AGBL4: variants seen among roughly 807,000 people sequenced by gnomAD.
AGBL4 encodes cytosolic carboxypeptidase 6.
Under a neutral mutation model 66.4 loss-of-function variants are expected in AGBL4, and 58 were observed. The ratio of observed to expected loss-of-function variants is 0.87; its 90% CI spans 0.71 to 1.09. The LOEUF (loss-of-function observed/expected upper bound fraction) is 1.09. Ranked by LOEUF, AGBL4 falls within the 50% of genes least tolerant of loss-of-function variation. The pLI, the probability that AGBL4 is intolerant of heterozygous loss-of-function variation, is 0.00. For synonymous variants in AGBL4, 234 were observed against 222.9 expected (o/e 1.05, Z -0.44); for missense variants, 579 against 631.0 (o/e 0.92, Z 0.88).
intron 7 of AGBL4, among the ~76,000 whole-genome samples, chr1:48,653,705 G>C (rs1201320049): frequency 6.6e-6 from 1 of 152,134 alleles, no homozygotes; most frequent in Non-Finnish European, 1.5e-5. Flanking sequence ...CATTTCCTGC[G>C]GTAGAGAACT....
At chr1:49,130,806 T>C (rs2148067797) in intron 4 of AGBL4, among the ~76,000 whole-genome samples, 1 of 152,276 alleles carries the variant, frequency 6.6e-6, no homozygotes, top group South Asian at 2.1e-4. Flanking sequence ...GGCTCTTTTT[T>C]GGTTCCATAT....
At chr1:49,390,061 T>C (rs946948289) in intron 3 of AGBL4, among the ~76,000 whole-genome samples, 1 of 152,130 alleles carries the variant, frequency 6.6e-6, no homozygotes, top group East Asian at 1.9e-4. Context: ...TTCTCTCTGG[T>C]AAATTCAATT....
intron 7 of AGBL4, 129 bp from the exon 8 acceptor site, chr1:48,653,580 G>A: frequency 1.5e-6 from 1 of 652,932 alleles, no homozygotes; most frequent in South Asian, 1.9e-5. Context: ...GGCCACTGTG[G>A]GTGTGTGGTT....
At chr1:49,601,614 A>G (rs1267256372) in intron 3 of AGBL4, among the ~76,000 whole-genome samples, 1 of 152,168 alleles carries the variant, frequency 6.6e-6, no homozygotes, top group Non-Finnish European at 1.5e-5. Flanking sequence ...AGGATTCCCT[A>G]TTTAATAAAT....
At chr1:49,829,793 G>A (rs1366525597) in intron 2 of AGBL4, among the ~76,000 whole-genome samples, 1 of 151,980 alleles carries the variant, frequency 6.6e-6, no homozygotes, top group Non-Finnish European at 1.5e-5. Flanking sequence ...AACAGGCCCT[G>A]GTGTGTGATG....
intron 4 of AGBL4, among the ~76,000 whole-genome samples, chr1:49,075,317 G>C (rs1010732994): frequency 2.0e-5 from 3 of 152,060 alleles, no homozygotes; most frequent in Non-Finnish European, 4.4e-5. Context: ...CATGCCATAA[G>C]GTTTTGTACA....
At chr1:49,614,813 TC>T (rs1381608181) in intron 3 of AGBL4, among the ~76,000 whole-genome samples, 1 of 152,168 alleles carries the variant, frequency 6.6e-6, no homozygotes, top group Non-Finnish European at 1.5e-5. Flanking sequence ...TTTGCATACC[TC>T]TTTTATGTAA....
At chr1:49,153,072 T>C (rs567464097) in intron 4 of AGBL4, among the ~76,000 whole-genome samples, 13 of 152,104 alleles carry the variant, frequency 8.5e-5, no homozygotes, top group African/African-American at 3.1e-4. Context: ...AATAGAGTCA[T>C]AGGAGATTAA....
intron 5 of AGBL4, among the ~76,000 whole-genome samples, chr1:48,924,109 C>G (rs1051295891): frequency 1.3e-5 from 2 of 152,134 alleles, no homozygotes; most frequent in African/African-American, 2.4e-5. Context: ...AAAACTATAG[C>G]TTTACAAGCA....
At chr1:49,909,340 G>T (rs947282286) in intron 1 of AGBL4, among the ~76,000 whole-genome samples, 1 of 152,038 alleles carries the variant, frequency 6.6e-6, no homozygotes, top group Admixed American at 6.6e-5. Context: ...GGAGATAGAG[G>T]GTTAGAAATG....
intron 6 of AGBL4, among the ~76,000 whole-genome samples, chr1:48,790,964 T>C (rs1557997223): frequency 6.6e-6 from 1 of 152,206 alleles, no homozygotes; most frequent in Non-Finnish European, 1.5e-5. Flanking sequence ...TGTCTTGCCA[T>C]GTGATGCCTT....
At chr1:49,532,757 C>G (rs1651238881) in intron 3 of AGBL4, among the ~76,000 whole-genome samples, 1 of 152,162 alleles carries the variant, frequency 6.6e-6, no homozygotes, top group South Asian at 2.1e-4. Context: ...TTAGCTTCCA[C>G]TGTTTCTAAG....
intron 3 of AGBL4, among the ~76,000 whole-genome samples, chr1:49,659,031 T>A (rs1027473149): frequency 4.6e-5 from 7 of 151,284 alleles, no homozygotes; most frequent in Non-Finnish European, 7.4e-5. Context: ...AGAAAAAAAA[T>A]TTTCAACCTA....
intron 3 of AGBL4, among the ~76,000 whole-genome samples, chr1:49,464,367 C>A (rs1646580856): frequency 6.6e-6 from 1 of 151,762 alleles, no homozygotes; most frequent in African/African-American, 2.4e-5. Flanking sequence ...AATTTATTTA[C>A]TCCTTCTTTA....
At chr1:49,427,869 G>A (rs1852592) in intron 3 of AGBL4, among the ~76,000 whole-genome samples, 79,503 of 152,008 alleles carry the variant, frequency 0.52, 22,081 homozygotes, top group Non-Finnish European at 0.62. Flanking sequence ...TGATTGGTCC[G>A]TTTTTACAGA....
chr1:50,002,406 G>T (rs2148421772), intron 1 of AGBL4, among the ~76,000 whole-genome samples: 3 of 121,004 alleles, frequency 2.5e-5, no homozygotes, highest in South Asian at 2.5e-4. Context: ...GTCTCGCTCT[G>T]TCGCCCAGGC....
At position 49,861,418 on chromosome 1, in the gene AGBL4, G is replaced by A. The variant is rs115952118; in HGVS notation, c.35-9900C>T. 5.3e-3 allele frequency among the ~76,000 whole-genome samples: 809 copies of A among 151,994 alleles called. 3 individuals are homozygous for A. The highest frequency in any genetic ancestry group is 0.017 in the Middle Eastern group (5 of 294). ...AGAAAAGAGTAGTGAGGACTTTGTC[G>A]TACATCTTGGACACCAGCTCAGCCA... On this transcript the variant is annotated intron_variant, in intron 1 of 13. Transcript: ENST00000371839.
intron 3 of AGBL4, among the ~76,000 whole-genome samples, chr1:49,461,716 G>A (rs759568532): frequency 1.8e-4 from 26 of 148,426 alleles, no homozygotes; most frequent in Non-Finnish European, 3.3e-4. Context: ...GAGAACATGC[G>A]GTGTTTGGTT....
intron 5 of AGBL4, among the ~76,000 whole-genome samples, chr1:48,897,127 T>C (rs1368187718): frequency 6.6e-6 from 1 of 152,064 alleles, no homozygotes; most frequent in African/African-American, 2.4e-5. Context: ...TTTTTCCCCC[T>C]TCATCCCCTA....
Sources: gnomAD v4.1 joint callset for allele counts (sites outside exome capture counted in the v4.1 genomes callset) on GRCh38, gnomAD v4.1.1 for gene constraint, MANE v1.5 for transcripts, NCBI Gene and HGNC (gene_info 2026-07-23, HGNC 2026-07-21) for gene names.